The following ABCA13 variants were observed in gnomAD, a reference collection of about 807,000 sequenced individuals.
ABCA13 encodes the protein ATP binding cassette subfamily A member 13.
A neutral mutation model predicts 478.7 loss-of-function variants in ABCA13; 476 were observed. The ratio of observed to expected loss-of-function variants is 0.99; its 90% CI spans 0.92 to 1.07. ABCA13 has a LOEUF of 1.07. ABCA13 is among the 50% of genes least tolerant of loss of function. The pLI, the probability that ABCA13 is intolerant of heterozygous loss-of-function variation, is 0.00. For synonymous variants in ABCA13, 2,252 were observed against 2,158.9 expected (o/e 1.04, Z -1.20); for missense variants, 6,060 against 5,910.6 (o/e 1.03, Z -0.83).
chr7:48,227,126 T>G, intron 5 of ABCA13, 136 bp from the exon 6 acceptor site: 1 of 783,508 alleles, frequency 1.3e-6, no homozygotes, highest in East Asian at 2.5e-5. Context: ...ATCTGTTCAA[T>G]GTAGTGATAT....
chr7:48,181,402 T>C (rs535841509), intron 1 of ABCA13, among the ~76,000 whole-genome samples: 18 of 152,342 alleles, frequency 1.2e-4, no homozygotes, highest in African/African-American at 4.3e-4. Context: ...CTTTTCATTT[T>C]CTTTGAAATA....
chr7:48,500,993 G>T (rs570934386), intron 48 of ABCA13, among the ~76,000 whole-genome samples: 1 of 152,182 alleles, frequency 6.6e-6, no homozygotes, highest in Non-Finnish European at 1.5e-5. Flanking sequence ...TGAATTCTCC[G>T]TTCTGTGAAG....
chr7:48,292,460 A>G (rs1798671187), intron 20 of ABCA13, among the ~76,000 whole-genome samples: 1 of 152,056 alleles, frequency 6.6e-6, no homozygotes, highest in East Asian at 1.9e-4. Flanking sequence ...TGACCCTTCC[A>G]AAACATCATC....
chr7:48,594,667 G>T, intron 57 of ABCA13, 43 bp from the exon 58 acceptor site: 1 of 1,558,698 alleles, frequency 6.4e-7, no homozygotes. Context: ...ATTTCTATTT[G>T]TGTTTTTCAA....
At chr7:48,486,082 C>A (rs1180033831) in intron 47 of ABCA13, among the ~76,000 whole-genome samples, 1 of 152,074 alleles carries the variant, frequency 6.6e-6, no homozygotes, top group Non-Finnish European at 1.5e-5. Context: ...CCTAGGCTTT[C>A]TAGTTTTCTA....
chr7:48,544,602 G>T (rs1784648629), intron 55 of ABCA13, among the ~76,000 whole-genome samples: 1 of 151,898 alleles, frequency 6.6e-6, no homozygotes, highest in African/African-American at 2.4e-5. Flanking sequence ...GGTTCCCAGA[G>T]AGGGATGGAA....
intron 19 of ABCA13, 70 bp from the exon 20 acceptor site, chr7:48,287,890 A>T: frequency 8.5e-7 from 1 of 1,181,700 alleles, no homozygotes; most frequent in South Asian, 1.3e-5. Context: ...TTAAAAAGTG[A>T]TTTTGTGAGA....
chr7:48,596,830 T>G (rs1055711573), intron 58 of ABCA13, among the ~76,000 whole-genome samples: 1 of 151,794 alleles, frequency 6.6e-6, no homozygotes, highest in African/African-American at 2.4e-5. Flanking sequence ...AAATTAGCAT[T>G]CAAAACCTCC....
intron 31 of ABCA13, among the ~76,000 whole-genome samples, chr7:48,364,239 G>A (rs1811331918): frequency 6.6e-6 from 1 of 152,090 alleles, no homozygotes; most frequent in African/African-American, 2.4e-5. Context: ...TGGAAATAGG[G>A]TCTAGGAGAA....
chr7:48,444,526 T>C (rs1824031733), intron 42 of ABCA13, among the ~76,000 whole-genome samples: 1 of 152,154 alleles, frequency 6.6e-6, no homozygotes, highest in Admixed American at 6.5e-5. Context: ...CATCACTTGT[T>C]TTCCCCTGAG....
At chr7:48,429,190 T>C (rs944609493) in intron 42 of ABCA13, among the ~76,000 whole-genome samples, 8 of 152,240 alleles carry the variant, frequency 5.3e-5, no homozygotes, top group Admixed American at 1.3e-4. Flanking sequence ...CATTCACCAG[T>C]TGATGGGCAT....
chr7:48,548,270 T>C (rs1000112524), intron 55 of ABCA13, among the ~76,000 whole-genome samples: 5 of 152,040 alleles, frequency 3.3e-5, no homozygotes, highest in African/African-American at 1.2e-4. Flanking sequence ...ACAGTCTTTG[T>C]TTCATTACGC....
At chr7:48,430,731 A>T (rs1822037804) in intron 42 of ABCA13, among the ~76,000 whole-genome samples, 1 of 150,736 alleles carries the variant, frequency 6.6e-6, no homozygotes, top group African/African-American at 2.4e-5. Flanking sequence ...ACTTCTAATA[A>T]TTTGAGTCTT....
chr7:48,264,800 G>T (rs1483873777), intron 15 of ABCA13, among the ~76,000 whole-genome samples: 3 of 151,240 alleles, frequency 2.0e-5, no homozygotes, highest in East Asian at 1.9e-4. Context: ...TATTTTTTTT[G>T]TTTGTTTTCT....
At chr7:48,266,505 A>G (rs1794888872) in intron 15 of ABCA13, among the ~76,000 whole-genome samples, 1 of 151,736 alleles carries the variant, frequency 6.6e-6, no homozygotes, top group East Asian at 1.9e-4. Flanking sequence ...TTTAAACTGT[A>G]TTCTATTATT....
At chr7:48,354,805 C>T (rs556234804) in intron 31 of ABCA13, among the ~76,000 whole-genome samples, 34 of 152,124 alleles carry the variant, frequency 2.2e-4, no homozygotes, top group African/African-American at 8.2e-4. Context: ...AGAGTACCTG[C>T]AGTGATTGAA....
chr7:48,291,680 A>C (rs1219912855), intron 20 of ABCA13, among the ~76,000 whole-genome samples: 1 of 152,118 alleles, frequency 6.6e-6, no homozygotes, highest in Non-Finnish European at 1.5e-5. Flanking sequence ...TGCCCGGGTT[A>C]TGTGACCTGA....
At chr7:48,239,127 C>T in intron 8 of ABCA13, 114 bp from the exon 9 acceptor site, 1 of 1,083,286 alleles carries the variant, frequency 9.2e-7, no homozygotes, top group South Asian at 1.5e-5. Flanking sequence ...CTTACTTCTT[C>T]AATCAAGCAA....
intron 42 of ABCA13, among the ~76,000 whole-genome samples, chr7:48,442,718 G>T (rs1466271892): frequency 6.6e-6 from 1 of 152,216 alleles, no homozygotes; most frequent in Non-Finnish European, 1.5e-5. Context: ...CAAATCTTCT[G>T]ACTCAGGAGG....
Sources: allele counts gnomAD v4.1 joint callset (sites outside exome capture counted in the v4.1 genomes callset), GRCh38; gene constraint gnomAD v4.1.1; transcripts MANE v1.5; gene names NCBI Gene and HGNC (gene_info 2026-07-23, HGNC 2026-07-21).